Variants in EIF5B observed in about 807,000 individuals in gnomAD.
EIF5B encodes eIF-5B.
A neutral mutation model predicts 147.5 loss-of-function variants in EIF5B; 47 were observed. That is an observed-to-expected ratio of 0.32 (90% CI 0.25 to 0.41). The LOEUF is 0.41. Among genes scored for constraint, EIF5B ranks in the 10% least tolerant of loss-of-function variants. EIF5B has a pLI of 1.00. For synonymous variants in EIF5B, 455 were observed against 456.2 expected, an observed-to-expected ratio of 1.00 and a Z score of 0.03; for missense variants, 1,064 against 1,413.2, an observed-to-expected ratio of 0.75 and a Z score of 3.96.
intron 9 of EIF5B, among the ~76,000 whole-genome samples, chr2:99,373,536 C>T (rs1674498467): frequency 6.6e-6 from 1 of 152,110 alleles, no homozygotes; most frequent in Non-Finnish European, 1.5e-5. Flanking sequence ...TCCCCACCAC[C>T]CTCCTACCTC....
intron 6 of EIF5B, among the ~76,000 whole-genome samples, chr2:99,366,176 T>C (rs1574928185): frequency 6.6e-6 from 1 of 152,356 alleles, no homozygotes; most frequent in East Asian, 1.9e-4. Flanking sequence ...TTGATTGTTA[T>C]GTCTCAGTTT....
At chr2:99,391,216 T>C (rs535834442) in intron 17 of EIF5B, among the ~76,000 whole-genome samples, 31 of 152,320 alleles carry the variant, frequency 2.0e-4, no homozygotes, top group African/African-American at 7.5e-4. Context: ...ATTTACTATT[T>C]GTTAAGTGGA....
chr2:99,369,051 T>A (rs1314037547), intron 7 of EIF5B, among the ~76,000 whole-genome samples: 1 of 152,158 alleles, frequency 6.6e-6, no homozygotes, highest in Non-Finnish European at 1.5e-5. Context: ...GGCGGGCGGA[T>A]CACCTGAGGT....
At chr2:99,368,421 A>G (rs1027408643) in intron 6 of EIF5B, 72 bp from the exon 7 acceptor site, 27 of 1,093,180 alleles carry the variant, frequency 2.5e-5, no homozygotes, top group Non-Finnish European at 3.2e-5. Context: ...ATGAAATGCT[A>G]TCCTTTAAAT....
intron 9 of EIF5B, among the ~76,000 whole-genome samples, chr2:99,375,839 C>G (rs1574933031): frequency 6.6e-6 from 1 of 152,106 alleles, no homozygotes; most frequent in Admixed American, 6.5e-5. Context: ...CTGAAATGCT[C>G]CAAAATCAAG....
intron 22 of EIF5B, chr2:99,398,540 C>T (rs1675115601): frequency 4.3e-6 from 2 of 465,338 alleles, no homozygotes; most frequent in Admixed American, 7.7e-5. Flanking sequence ...TATCTCCTGT[C>T]ATTCTTACAA....
intron 9 of EIF5B, among the ~76,000 whole-genome samples, chr2:99,373,441 GC>G (rs1297284736): frequency 6.6e-6 from 1 of 152,160 alleles, no homozygotes; most frequent in Non-Finnish European, 1.5e-5. Flanking sequence ...GGAGGGAAGG[GC>G]AAGAGGAGCA....
At chr2:99,342,118 C>T (rs2094260907) in intron 1 of EIF5B, among the ~76,000 whole-genome samples, 1 of 152,152 alleles carries the variant, frequency 6.6e-6, no homozygotes, top group Admixed American at 6.6e-5. Flanking sequence ...GCTGTTTGAC[C>T]ATCGTTCATG....
chr2:99,356,060 T>G (rs190644070), intron 1 of EIF5B, among the ~76,000 whole-genome samples: 53 of 152,364 alleles, frequency 3.5e-4, no homozygotes, highest in African/African-American at 1.3e-3. Flanking sequence ...CGAATCAATA[T>G]TATTAAGCGA....
At chr2:99,389,886 CAG>C in intron 15 of EIF5B, 37 bp downstream of exon 15, 1 of 1,582,146 alleles carries the variant, frequency 6.3e-7, no homozygotes, top group Non-Finnish European at 8.5e-7. Flanking sequence ...GAGCCTATCT[CAG>C]AATATGTATT....
At chr2:99,354,369 T>C (rs1441555068) in intron 1 of EIF5B, among the ~76,000 whole-genome samples, 2 of 152,230 alleles carry the variant, frequency 1.3e-5, no homozygotes, top group Non-Finnish European at 2.9e-5. Context: ...TTGCCCATTT[T>C]TTAATTGGAT....
intron 1 of EIF5B, among the ~76,000 whole-genome samples, chr2:99,339,323 A>G (rs953336034): frequency 1.3e-5 from 2 of 152,028 alleles, no homozygotes; most frequent in Non-Finnish European, 2.9e-5. Flanking sequence ...CCCACCTACT[A>G]GATATTTTAA....
At chr2:99,379,670 CCA>C (rs1674649787) in intron 12 of EIF5B, among the ~76,000 whole-genome samples, 4 of 152,146 alleles carry the variant, frequency 2.6e-5, no homozygotes, top group Admixed American at 2.6e-4. Context: ...AGCCACTATT[CCA>C]CAGTTAGTCA....
chr2:99,338,965 AAT>A (rs10554748), intron 1 of EIF5B, among the ~76,000 whole-genome samples: 51,358 of 135,756 alleles, frequency 0.38, 11,049 homozygotes, highest in East Asian at 0.63. Flanking sequence ...CATATATATA[AAT>A]ATATATATAT....
intron 21 of EIF5B, among the ~76,000 whole-genome samples, chr2:99,395,854 T>A (rs1055193839): frequency 6.6e-6 from 1 of 151,996 alleles, no homozygotes; most frequent in Non-Finnish European, 1.5e-5. Flanking sequence ...GGGACAGTGA[T>A]AAATGAGGTC....
At position 99,337,523 on chromosome 2, in the gene EIF5B, G is replaced by A; in HGVS notation, c.-32G>A. The stretch of plus-strand genomic sequence containing the variant: ...GTGGGTCTGTGAGAGACCGAATAGA[G>A]GGGCTGGGGCCACGAGCGCCATTGA... On this transcript the variant is annotated 5_prime_UTR_variant, in exon 1 of 24. Coordinates refer to ENST00000289371, the MANE Select transcript of EIF5B (RefSeq NM_015904.4). The A allele has an allele frequency of 6.2e-7, 1 of 1,609,386 alleles. No individual in the cohort carries two copies. Among genetic ancestry groups the A allele is most frequent in the Non-Finnish European group, 8.5e-7 (1 of 1,177,866 alleles).
Position 99,379,438 on chromosome 2 carries a change from T to C in EIF5B, c.2061+10T>C. The C allele has an allele frequency of 6.3e-7, 1 of 1,583,094 alleles. No homozygotes were observed. The highest frequency in any genetic ancestry group is 8.6e-7 in the Non-Finnish European group (1 of 1,158,960). On this transcript the variant is annotated intron_variant, in intron 12 of 23. Coordinates refer to ENST00000289371, the MANE Select transcript of EIF5B (RefSeq NM_015904.4). ...TAAGATGATTAAAAATGTAAGTACATTGTATTTCATGTATTTTAATCTCTG... is the reference window on the plus strand; with the variant it reads ...TAAGATGATTAAAAATGTAAGTACACTGTATTTCATGTATTTTAATCTCTG...
chr2:99,337,494 G>C lies in EIF5B; in HGVS notation c.-61G>C. ...GAGCGGAGACCAAAGTCAGCCGGGA[G>C]ACAGTGGGTCTGTGAGAGACCGAAT... On this transcript the variant is annotated 5_prime_UTR_variant, in exon 1 of 24. Coordinates refer to ENST00000289371, the MANE Select transcript of EIF5B (RefSeq NM_015904.4). 6.3e-7 allele frequency: 1 copy of C among 1,589,376 alleles called. No homozygotes were observed. The highest frequency in any genetic ancestry group is 1.3e-5 in the African/African-American group (1 of 74,400).
chr2:99,364,004 A>G, intron 5 of EIF5B, 142 bp downstream of exon 5: 5 of 1,054,520 alleles, frequency 4.7e-6, no homozygotes, highest in Non-Finnish European at 6.8e-6. Flanking sequence ...TACAAATAAT[A>G]AGATGAAGAG....
Sources: allele counts gnomAD v4.1 joint callset (sites outside exome capture counted in the v4.1 genomes callset), GRCh38; gene constraint gnomAD v4.1.1; transcripts MANE v1.5; gene names NCBI Gene and HGNC (gene_info 2026-07-23, HGNC 2026-07-21).